Variants in DENND1B observed in about 807,000 individuals in gnomAD.
DENND1B encodes the protein DENN domain containing 1B.
In DENND1B, 59 loss-of-function variants were observed where a neutral mutation model predicts 90.1. The ratio of observed to expected loss-of-function variants is 0.65; its 90% CI spans 0.53 to 0.81. The LOEUF (loss-of-function observed/expected upper bound fraction) is 0.81. DENND1B is among the 40% of genes least tolerant of loss of function. The pLI is 0.00. For missense variants in DENND1B, 862 were observed against 912.6 expected, an observed-to-expected ratio of 0.94 and a Z score of 0.71; for synonymous variants, 337 against 324.6, an observed-to-expected ratio of 1.04 and a Z score of -0.41.
intron 2 of DENND1B, among the ~76,000 whole-genome samples, chr1:197,765,858 T>C (rs929260593): frequency 1.3e-5 from 2 of 152,216 alleles, no homozygotes; most frequent in African/African-American, 2.4e-5. Flanking sequence ...AATGTAAAAT[T>C]TGCAACACAC....
intron 10 of DENND1B, among the ~76,000 whole-genome samples, chr1:197,626,409 C>A (rs1218189647): frequency 1.3e-5 from 2 of 152,118 alleles, no homozygotes; most frequent in Non-Finnish European, 2.9e-5. Context: ...GAACAACCTG[C>A]TCCTGAATGA....
chr1:197,635,780 G>A (rs1188467293), intron 10 of DENND1B, among the ~76,000 whole-genome samples: 1 of 152,104 alleles, frequency 6.6e-6, no homozygotes, highest in African/African-American at 2.4e-5. Context: ...TACAAACTAA[G>A]CCTTCTGTAA....
chr1:197,643,647 T>C (rs777127921), intron 9 of DENND1B, among the ~76,000 whole-genome samples: 2 of 152,208 alleles, frequency 1.3e-5, no homozygotes. Flanking sequence ...AACAGCCCTT[T>C]GGTACTTTAT....
chr1:197,660,016 T>C (rs993773288), intron 5 of DENND1B, among the ~76,000 whole-genome samples: 5 of 151,820 alleles, frequency 3.3e-5, no homozygotes, highest in African/African-American at 1.2e-4. Flanking sequence ...TTATATTTAA[T>C]ATCCTTAGGA....
intron 20 of DENND1B, among the ~76,000 whole-genome samples, chr1:197,521,934 A>G (rs1265982516): frequency 1.3e-5 from 2 of 152,052 alleles, no homozygotes; most frequent in Non-Finnish European, 2.9e-5. Flanking sequence ...AAGACAAGGT[A>G]AATCATAAGT....
At chr1:197,764,848 T>C (rs1306194884) in intron 2 of DENND1B, among the ~76,000 whole-genome samples, 1 of 152,112 alleles carries the variant, frequency 6.6e-6, no homozygotes, top group African/African-American at 2.4e-5. Flanking sequence ...AAAGGAATTG[T>C]TAGTTGAAAA....
chr1:197,602,909 C>T (rs1271074959), intron 13 of DENND1B, among the ~76,000 whole-genome samples: 5 of 151,146 alleles, frequency 3.3e-5, no homozygotes, highest in Admixed American at 6.6e-5. Context: ...TGTGTCTTTC[C>T]TTTTTTTATC....
At chr1:197,610,344 A>G (rs1248294695) in intron 12 of DENND1B, among the ~76,000 whole-genome samples, 1 of 150,706 alleles carries the variant, frequency 6.6e-6, no homozygotes, top group Non-Finnish European at 1.5e-5. Flanking sequence ...ATTTATAGGT[A>G]TCCAAGAATA....
At chr1:197,552,015 A>C (rs1384092306) in intron 16 of DENND1B, among the ~76,000 whole-genome samples, 1 of 152,096 alleles carries the variant, frequency 6.6e-6, no homozygotes, top group Non-Finnish European at 1.5e-5. Context: ...CCTTTAATGA[A>C]CCAATTATCT....
intron 15 of DENND1B, among the ~76,000 whole-genome samples, chr1:197,565,462 C>CT (rs1020528235): frequency 3.4e-5 from 5 of 147,576 alleles, no homozygotes; most frequent in African/African-American, 4.9e-5. Flanking sequence ...CTATAATTTT[C>CT]TTTTTTTTCT....
rs117445382 is a variant in DENND1B, at chr1:197,606,022, T to G, written c.921+1051A>C. On this transcript the variant is annotated intron_variant, in intron 13 of 22. Transcript: ENST00000620048. The stretch of plus-strand genomic sequence containing the variant: ...AGAAAAATATGCTCTGAAGGCATTT[T>G]TATTCCCAAATTTTAATATCCATAT... 6.8e-4 allele frequency: 103 copies of G among 151,304 alleles called. No homozygotes were observed. In the East Asian group the frequency reaches 0.02, roughly 30 times the overall value. 9.4% of individuals were successfully genotyped at this position (151,304 alleles called of 1,614,324 possible). A position where few individuals can be genotyped will look rare whatever the true frequency, so the allele number is the denominator to read the frequency against.
intron 2 of DENND1B, among the ~76,000 whole-genome samples, chr1:197,760,008 T>G (rs139953505): frequency 6.6e-6 from 1 of 152,312 alleles, no homozygotes; most frequent in African/African-American, 2.4e-5. Context: ...TAAATTTAAA[T>G]TATATGTTTA....
intron 16 of DENND1B, chr1:197,552,517 TC>T: frequency 2.0e-6 from 2 of 985,524 alleles, no homozygotes; most frequent in Non-Finnish European, 2.4e-6. Flanking sequence ...CTGGAAACTT[TC>T]TTAATGCTGC....
intron 2 of DENND1B, among the ~76,000 whole-genome samples, chr1:197,769,641 T>C (rs560616678): frequency 1.8e-4 from 27 of 152,322 alleles, no homozygotes; most frequent in African/African-American, 6.0e-4. Context: ...GTTTCTCTAG[T>C]TTCTCTATTA....
At position 197,535,572 on chromosome 1, in the gene DENND1B, T is replaced by C. The variant is rs530147870; in HGVS notation, c.1515+4392A>G. 3.3e-5 allele frequency among the ~76,000 whole-genome samples: 5 copies of C among 152,354 alleles called. No homozygotes were observed. In the South Asian group the frequency reaches 6.2e-4, roughly 19 times the overall value. ...TATTTCTGGGATTTTTCATTTAATA[T>C]GTTTTGACCACACTAACTGTAGGTA... On this transcript the variant is annotated intron_variant, in intron 20 of 22. Coordinates refer to ENST00000620048, the MANE Select transcript of DENND1B (RefSeq NM_001195215.2).
At chr1:197,619,009 T>G (rs932958162) in intron 10 of DENND1B, among the ~76,000 whole-genome samples, 6 of 151,262 alleles carry the variant, frequency 4.0e-5, no homozygotes, top group African/African-American at 1.5e-4. Context: ...AAATTTTTAT[T>G]CAAAGTATAT....
intron 10 of DENND1B, 53 bp downstream of exon 10, chr1:197,642,658 C>A (rs754735724): frequency 1.8e-4 from 237 of 1,346,506 alleles, no homozygotes; most frequent in Non-Finnish European, 2.3e-4. Flanking sequence ...GTTTTTAGGT[C>A]TTTTTGTGAA....
chr1:197,723,201 C>T (rs951148563), intron 2 of DENND1B, among the ~76,000 whole-genome samples: 2 of 152,112 alleles, frequency 1.3e-5, no homozygotes, highest in Non-Finnish European at 2.9e-5. Context: ...TAACATTTTG[C>T]TACATCCATT....
chr1:197,666,653 CCAGCTACTCATAAATAA>C (rs1654962300), intron 5 of DENND1B, among the ~76,000 whole-genome samples: 1 of 152,156 alleles, frequency 6.6e-6, no homozygotes, highest in Non-Finnish European at 1.5e-5. Context: ...AAGGCTTTTG[CCAGCTACTCATAAATAA>C]CTCAGAAAAT....
Sources: allele counts gnomAD v4.1 joint callset (sites outside exome capture counted in the v4.1 genomes callset), GRCh38; gene constraint gnomAD v4.1.1; transcripts MANE v1.5; gene names NCBI Gene and HGNC (gene_info 2026-07-23, HGNC 2026-07-21).